Variants in TGFBRAP1 observed in about 807,000 individuals in gnomAD.
TGFBRAP1 encodes the protein transforming growth factor beta receptor associated protein 1, also known as transforming growth factor-beta receptor-associated protein 1.
Under a neutral mutation model 83.2 loss-of-function variants are expected in TGFBRAP1, and 20 were observed. That is an observed-to-expected ratio of 0.24 (90% CI 0.17 to 0.35). The LOEUF (loss-of-function observed/expected upper bound fraction) is 0.35. Ranked by LOEUF, TGFBRAP1 falls within the 10% of genes least tolerant of loss-of-function variation. The pLI, the probability that TGFBRAP1 is intolerant of heterozygous loss-of-function variation, is 1.00. For synonymous variants in TGFBRAP1, 415 were observed against 459.8 expected, an observed-to-expected ratio of 0.90 and a Z score of 1.25; for missense variants, 950 against 1,099.4, an observed-to-expected ratio of 0.86 and a Z score of 1.92.
intron 1 of TGFBRAP1, among the ~76,000 whole-genome samples, chr2:105,313,118 A>G (rs931550763): frequency 6.6e-6 from 1 of 152,116 alleles, no homozygotes; most frequent in Admixed American, 6.5e-5. Flanking sequence ...GTCTCAAAAA[A>G]AAAAGAGAAC....
rs536852952 is a variant in TGFBRAP1 at position 105,295,265 on chromosome 2, G to C, written c.1038+1091C>G. On this transcript the variant is annotated intron_variant, in intron 4 of 11. Transcript: ENST00000393359. ...TCTGCATAAAGCACCTGAGGCCAAA[G>C]AACATATCATTCCACAACAATTACA... Among the ~76,000 whole-genome samples, 4 of 152,278 alleles carry C rather than the reference G, an allele frequency of 2.6e-5. No homozygotes were observed. The South Asian group carries it at 8.3e-4, about 32-fold the overall frequency.
At chr2:105,285,278 C>T (rs1406173451) in intron 4 of TGFBRAP1, among the ~76,000 whole-genome samples, 3 of 152,196 alleles carry the variant, frequency 2.0e-5, no homozygotes, top group Admixed American at 6.5e-5. Flanking sequence ...TGTGAAGGCA[C>T]GGCAAATACA....
intron 1 of TGFBRAP1, among the ~76,000 whole-genome samples, chr2:105,314,692 T>C (rs1293529330): frequency 6.6e-6 from 1 of 151,906 alleles, no homozygotes; most frequent in Non-Finnish European, 1.5e-5. Context: ...CTCATGCCTG[T>C]AATCCCAGCA....
At chr2:105,312,807 C>T (rs1678735220) in intron 1 of TGFBRAP1, among the ~76,000 whole-genome samples, 1 of 152,154 alleles carries the variant, frequency 6.6e-6, no homozygotes, top group Non-Finnish European at 1.5e-5. Flanking sequence ...TCTGGCATCA[C>T]TTTAAAAGAA....
intron 1 of TGFBRAP1, among the ~76,000 whole-genome samples, chr2:105,313,986 T>C (rs1353162220): frequency 6.6e-6 from 1 of 152,150 alleles, no homozygotes; most frequent in Non-Finnish European, 1.5e-5. Flanking sequence ...TACCCATGAA[T>C]GGGACCTTAT....
At chr2:105,311,605 G>GA (rs905021722) in intron 1 of TGFBRAP1, among the ~76,000 whole-genome samples, 5 of 150,684 alleles carry the variant, frequency 3.3e-5, no homozygotes, top group Non-Finnish European at 5.9e-5. Flanking sequence ...AAAGAAAAAA[G>GA]AAAAAAAAAT....
At chr2:105,287,409 A>AT (rs1228501082) in intron 4 of TGFBRAP1, among the ~76,000 whole-genome samples, 2 of 152,244 alleles carry the variant, frequency 1.3e-5, no homozygotes, top group South Asian at 2.1e-4. Flanking sequence ...CTCCAGGTAG[A>AT]TTTTTTTCCT....
At chr2:105,267,605 T>C (rs1325130506) in intron 11 of TGFBRAP1, 46 bp from the exon 12 acceptor site, 25 of 1,608,232 alleles carry the variant, frequency 1.6e-5, no homozygotes, top group Non-Finnish European at 2.1e-5. Flanking sequence ...GTGTTAAGTA[T>C]ATTTAAAGTG....
At chr2:105,258,892 A>C in the TGFBRAP1 span, among the ~76,000 whole-genome samples, 1 of 152,208 alleles carries the variant, frequency 6.6e-6, no homozygotes, top group South Asian at 2.1e-4. Flanking sequence ...GTTGCTGCTT[A>C]AGAAGCAGCT....
chr2:105,322,543 T>A (rs1026073883), intron 1 of TGFBRAP1, among the ~76,000 whole-genome samples: 2 of 152,198 alleles, frequency 1.3e-5, no homozygotes, highest in African/African-American at 4.8e-5. Flanking sequence ...TTTTATACAG[T>A]ATTTCTACTA....
the TGFBRAP1 span, chr2:105,249,416 C>A: frequency 6.6e-6 from 1 of 152,056 alleles, no homozygotes; most frequent in Non-Finnish European, 1.5e-5. Flanking sequence ...TCACAAAGAG[C>A]CTTTGTTTAT....
At chr2:105,279,897 G>A (rs1677472612) in intron 6 of TGFBRAP1, among the ~76,000 whole-genome samples, 1 of 151,948 alleles carries the variant, frequency 6.6e-6, no homozygotes, top group African/African-American at 2.4e-5. Context: ...AATTACCTGG[G>A]TGTGGTGGCG....
rs1297015511 is a variant in TGFBRAP1 at position 105,267,269 on chromosome 2, C to T, written c.*114G>A. On this transcript the variant is annotated 3_prime_UTR_variant, in exon 12 of 12. Coordinates refer to ENST00000393359, the MANE Select transcript of TGFBRAP1 (RefSeq NM_004257.6). ...CGTATGGACGGAAGGCTCCCTGGCA[C>T]CCAGATGTCTCCCTTCGTCCTGGCT... 2.1e-6 allele frequency: 3 copies of T among 1,409,834 alleles called. No homozygotes were observed. Among genetic ancestry groups the T allele is most frequent in the Non-Finnish European group, 2.9e-6 (3 of 1,048,982 alleles). 87.3% of individuals were successfully genotyped at this position (1,409,834 alleles called of 1,614,324 possible).
chr2:105,314,905 G>A (rs558835239), intron 1 of TGFBRAP1, among the ~76,000 whole-genome samples: 8 of 143,102 alleles, frequency 5.6e-5, no homozygotes, highest in South Asian at 2.2e-4. Context: ...AACCGAGATC[G>A]CACCACTGCA....
intron 2 of TGFBRAP1, among the ~76,000 whole-genome samples, chr2:105,300,434 CTTTTTTTTT>C (rs769660664): frequency 8.4e-6 from 1 of 119,030 alleles, no homozygotes; most frequent in Non-Finnish European, 1.7e-5. Context: ...GGAGTAAAAT[CTTTTTTTTT>C]TTTTTTTTTT....
chr2:105,312,942 C>CAT (rs1678740269), intron 1 of TGFBRAP1, among the ~76,000 whole-genome samples: 1 of 151,594 alleles, frequency 6.6e-6, no homozygotes, highest in African/African-American at 2.4e-5. Flanking sequence ...TGAAACCTTG[C>CAT]TTCTACTAAA....
At chr2:105,312,373 C>A (rs980742098) in intron 1 of TGFBRAP1, among the ~76,000 whole-genome samples, 2 of 152,074 alleles carry the variant, frequency 1.3e-5, no homozygotes, top group Non-Finnish European at 2.9e-5. Context: ...AAAAGATCAA[C>A]ATTTTAATGT....
In TGFBRAP1 at chr2:105,316,420, A is replaced by AGTGTGTGTGTGTGTGT. The variant is rs71393002; in HGVS notation, c.-17-8118_-17-8103dup. ...AATACAAACTCTTACAGGTATAGGG[A>AGTGTGTGTGTGTGTGT]GTGTGTGTGTGTGTGTGTGTGTGTG... On this transcript the variant is annotated intron_variant, in intron 1 of 11. Coordinates refer to ENST00000393359, the MANE Select transcript of TGFBRAP1 (RefSeq NM_004257.6). Among the ~76,000 whole-genome samples the AGTGTGTGTGTGTGTGT allele has an allele frequency of 2.7e-4, 30 of 109,126 alleles. 1 individual carries two copies. The highest frequency in any genetic ancestry group is 7.9e-4 in the African/African-American group (22 of 27,708). The allele number at this position is 109,126 out of a possible 152,430, so 71.6% of individuals were successfully genotyped here.
intron 8 of TGFBRAP1, 148 bp downstream of exon 8, chr2:105,275,412 G>A: frequency 7.8e-7 from 1 of 1,289,086 alleles, no homozygotes; most frequent in Non-Finnish European, 1.0e-6. Flanking sequence ...TCAAGGGAAG[G>A]TATTAAAAGG....
Sources: gnomAD v4.1 joint callset for allele counts (sites outside exome capture counted in the v4.1 genomes callset) on GRCh38, gnomAD v4.1.1 for gene constraint, MANE v1.5 for transcripts, NCBI Gene and HGNC (gene_info 2026-07-23, HGNC 2026-07-21) for gene names.